Variants in DIP2B observed in about 807,000 individuals in gnomAD.
DIP2B encodes the protein DIP2 acetate--CoA ligase B (putative), also known as disco-interacting protein 2 homolog B.
Under a neutral mutation model 198.0 loss-of-function variants are expected in DIP2B, and 76 were observed. The observed-to-expected ratio is 0.38, with a 90% CI of 0.32 to 0.46. The LOEUF is 0.46. Ranked by LOEUF, DIP2B falls within the 20% of genes least tolerant of loss-of-function variation. DIP2B has a pLI of 0.99. For synonymous variants in DIP2B, 701 were observed against 739.1 expected, an observed-to-expected ratio of 0.95 and a Z score of 0.84; for missense variants, 1,559 against 1,978.4, an observed-to-expected ratio of 0.79 and a Z score of 4.02.
At chr12:50,619,782 C>G (rs547979702) in intron 1 of DIP2B, among the ~76,000 whole-genome samples, 1 of 152,146 alleles carries the variant, frequency 6.6e-6, no homozygotes, top group Non-Finnish European at 1.5e-5. Context: ...CTCTGCTGAG[C>G]GCATTGGTTC....
rs1005066282 is a variant in DIP2B at position 50,581,615 on chromosome 12, G to A, written c.101-44361G>A. On this transcript the variant is annotated intron_variant, in intron 1 of 37. Transcript: ENST00000301180. ...TCAGTGCTGATTTCTCCTCCATAGCGTCTACTTGCTACCCACATTCACCAC... is the reference window on the plus strand; with the variant it reads ...TCAGTGCTGATTTCTCCTCCATAGCATCTACTTGCTACCCACATTCACCAC... Among the ~76,000 whole-genome samples the A allele has an allele frequency of 4.8e-5, 7 of 144,598 alleles. 1 individual carries two copies. Among genetic ancestry groups the A allele is most frequent in the Non-Finnish European group, 6.0e-5 (4 of 66,902 alleles). 94.9% of individuals were successfully genotyped at this position (144,598 alleles called of 152,430 possible). A position where few individuals can be genotyped will look rare whatever the true frequency, so the allele number is the denominator to read the frequency against.
chr12:50,726,707 C>A (rs1033753859), intron 28 of DIP2B, among the ~76,000 whole-genome samples: 11 of 151,258 alleles, frequency 7.3e-5, no homozygotes, highest in African/African-American at 2.4e-4. Flanking sequence ...TGATATGTTA[C>A]CCAGGTTGGT....
rs747667375 is a variant in DIP2B, at chr12:50,739,596, C to T, written c.4354+10C>T. 6.2e-6 allele frequency: 10 copies of T among 1,612,464 alleles called. 1 individual carries two copies. The highest frequency in any genetic ancestry group is 7.6e-6 in the Non-Finnish European group (9 of 1,178,744). On this transcript the variant is annotated intron_variant, in intron 36 of 37. Transcript: ENST00000301180. ...ACAGCGGCCACTGGAGGTACTTCTG[C>T]AACAACTCCCCATTGACCCTGCTTT...
intron 1 of DIP2B, among the ~76,000 whole-genome samples, chr12:50,605,402 C>T (rs1011939050): frequency 1.3e-5 from 2 of 151,896 alleles, no homozygotes; most frequent in African/African-American, 2.4e-5. Flanking sequence ...GGCAACATGG[C>T]GAAATACAAA....
At chr12:50,663,057 C>T (rs1039239015) in intron 4 of DIP2B, among the ~76,000 whole-genome samples, 2 of 152,104 alleles carry the variant, frequency 1.3e-5, no homozygotes, top group Admixed American at 6.5e-5. Context: ...CGCAGTGAGC[C>T]GAGATCGCGC....
chr12:50,627,365 GCT>G (rs774410477), intron 2 of DIP2B, among the ~76,000 whole-genome samples: 1 of 151,554 alleles, frequency 6.6e-6, no homozygotes, highest in Non-Finnish European at 1.5e-5. Flanking sequence ...ACAGATTCTT[GCT>G]CTGTCACCCA....
At chr12:50,593,151 T>C (rs565248179) in intron 1 of DIP2B, among the ~76,000 whole-genome samples, 12 of 152,346 alleles carry the variant, frequency 7.9e-5, no homozygotes, top group African/African-American at 2.9e-4. Flanking sequence ...GTAGAACTTG[T>C]GTATAGCCCT....
At chr12:50,531,483 CAAG>C (rs973151489) in intron 1 of DIP2B, among the ~76,000 whole-genome samples, 2 of 152,160 alleles carry the variant, frequency 1.3e-5, no homozygotes, top group African/African-American at 4.8e-5. Flanking sequence ...AGCAAAACAA[CAAG>C]GAGTATTAAG....
chr12:50,658,206 G>A (rs1938587442), intron 3 of DIP2B, among the ~76,000 whole-genome samples: 1 of 151,360 alleles, frequency 6.6e-6, no homozygotes, highest in Non-Finnish European at 1.5e-5. Context: ...GTGTGATCTC[G>A]GCTCACTGCA....
At chr12:50,579,068 G>C (rs751702628) in intron 1 of DIP2B, among the ~76,000 whole-genome samples, 2 of 152,100 alleles carry the variant, frequency 1.3e-5, no homozygotes, top group African/African-American at 4.8e-5. Flanking sequence ...CCACATTTTT[G>C]TACAATTCTG....
chr12:50,556,355 G>GTGAGCCATAGTGCTGGGATTACAGGCC (rs1958471026), intron 1 of DIP2B, among the ~76,000 whole-genome samples: 1 of 152,070 alleles, frequency 6.6e-6, no homozygotes, highest in African/African-American at 2.4e-5. Flanking sequence ...GATTACAGGC[G>GTGAGCCATAGTGCTGGGATTACAGGCC]TAAGCCATCG....
chr12:50,519,917 T>C (rs769270604), intron 1 of DIP2B, among the ~76,000 whole-genome samples: 5 of 151,924 alleles, frequency 3.3e-5, no homozygotes, highest in African/African-American at 4.8e-5. Flanking sequence ...TTCTTTTTCT[T>C]TCTAAGAATT....
chr12:50,590,164 T>TA (rs2139428524), intron 1 of DIP2B, among the ~76,000 whole-genome samples: 1 of 151,882 alleles, frequency 6.6e-6, no homozygotes, highest in East Asian at 1.9e-4. Context: ...GGATAATTTT[T>TA]TTTTTTTAAT....
intron 1 of DIP2B, among the ~76,000 whole-genome samples, chr12:50,591,360 T>G (rs1347465830): frequency 6.7e-6 from 1 of 150,274 alleles, no homozygotes; most frequent in Non-Finnish European, 1.5e-5. Context: ...CCCATCTGAT[T>G]TTTTTTTTTA....
intron 1 of DIP2B, among the ~76,000 whole-genome samples, chr12:50,525,357 C>CACA (rs1958153730): frequency 1.9e-5 from 2 of 105,846 alleles, no homozygotes; most frequent in African/African-American, 6.9e-5. Context: ...GACTCCATCT[C>CACA]AAAAAAAAAA....
At chr12:50,592,214 G>T (rs1443336794) in intron 1 of DIP2B, among the ~76,000 whole-genome samples, 3 of 151,944 alleles carry the variant, frequency 2.0e-5, no homozygotes, top group Non-Finnish European at 4.4e-5. Context: ...ACAGCCTGTT[G>T]TCCAGGCTGG....
intron 2 of DIP2B, among the ~76,000 whole-genome samples, chr12:50,636,293 C>T (rs1363086970): frequency 1.3e-5 from 2 of 152,112 alleles, no homozygotes; most frequent in African/African-American, 4.8e-5. Context: ...TTTTATGTGT[C>T]TCATTTTGAT....
chr12:50,586,027 A>G (rs1333323913), intron 1 of DIP2B, among the ~76,000 whole-genome samples: 3 of 152,314 alleles, frequency 2.0e-5, no homozygotes, highest in African/African-American at 2.4e-5. Flanking sequence ...CCACAAACAC[A>G]TGGCATTCTG....
rs1457162752 is a variant in DIP2B at position 50,744,651 on chromosome 12, G to C, written c.4543G>C (p.Ala1515Pro). The change falls in exon 38 of 38, where the codon GCC becomes CCC. Residue 1515 changes from alanine to proline, a missense_variant. Coordinates refer to ENST00000301180, the MANE Select transcript of DIP2B (RefSeq NM_173602.3). ...GGAACTGTGCGGCTCTGAACAGGAAGCCCTAGATCTGGTCCCATTAGTGAC... is the reference window on the plus strand; with the variant it reads ...GGAACTGTGCGGCTCTGAACAGGAACCCCTAGATCTGGTCCCATTAGTGAC... ...VVELCGSEQE[A>P]LDLVPLVTNV... 1.2e-6 allele frequency: 2 copies of C among 1,614,212 alleles called. No individual in the cohort carries two copies. The highest frequency in any genetic ancestry group is 2.7e-5 in the African/African-American group (2 of 75,052).
Sources: gnomAD v4.1 joint callset for allele counts (sites outside exome capture counted in the v4.1 genomes callset) on GRCh38, gnomAD v4.1.1 for gene constraint, MANE v1.5 for transcripts, NCBI Gene and HGNC (gene_info 2026-07-23, HGNC 2026-07-21) for gene names.